The following CMC2 variants were observed in gnomAD, a reference collection of about 807,000 sequenced individuals.
CMC2 encodes COX assembly mitochondrial protein 2 homolog.
Under a neutral mutation model 7.5 loss-of-function variants are expected in CMC2, and 5 were observed. The observed-to-expected ratio is 0.66, with a 90% CI of 0.35 to 1.40. CMC2 has a LOEUF of 1.40. Among genes scored for constraint, CMC2 ranks in the 40% most tolerant of loss-of-function variants. The probability of loss-of-function intolerance (pLI) is 0.04; values close to 1 mark genes in which losing one functional copy is unlikely to be tolerated. For synonymous variants in CMC2, 37 were observed against 31.4 expected (o/e 1.18, Z -0.60); for missense variants, 115 against 92.3 (o/e 1.25, Z -1.01).
At chr16:80,993,699 A>G (rs1968190423) in intron 2 of CMC2, among the ~76,000 whole-genome samples, 2 of 21,940 alleles carry the variant, frequency 9.1e-5, no homozygotes, top group Admixed American at 1.1e-3. Context: ...AGCTAACTCT[A>G]GAGTAAAGAC....
At chr16:81,005,534 C>T (rs1038685801) in intron 1 of CMC2, among the ~76,000 whole-genome samples, 4 of 152,050 alleles carry the variant, frequency 2.6e-5, no homozygotes, top group Non-Finnish European at 5.9e-5. Flanking sequence ...CATACTGCAG[C>T]AGAGGTCGCA....
chr16:80,979,611 T>C (rs1204548852), intron 3 of CMC2, among the ~76,000 whole-genome samples: 1 of 151,472 alleles, frequency 6.6e-6, no homozygotes, highest in Non-Finnish European at 1.5e-5. Flanking sequence ...ATTTATTTTT[T>C]ATTTTATTTT....
In CMC2 at chr16:80,975,744, G is replaced by C. The variant is rs1328873698; in HGVS notation, c.*349C>G. 1 of 165,450 alleles carries C rather than the reference G, an allele frequency of 6.0e-6. No individual in the cohort carries two copies. Among genetic ancestry groups the C allele is most frequent in the Non-Finnish European group, 1.3e-5 (1 of 76,926 alleles). 10.2% of individuals were successfully genotyped at this position (165,450 alleles called of 1,614,324 possible). On this transcript the variant is annotated 3_prime_UTR_variant, in exon 4 of 4. Coordinates refer to ENST00000219400, the MANE Select transcript of CMC2 (RefSeq NM_020188.5). ...AACATCATGTTGTCAAAAAGAAAAA[G>C]CCTAATGGCAACATTTTCCTCTAAT...
chr16:80,989,967 G>A (rs2549841), intron 2 of CMC2, among the ~76,000 whole-genome samples: 99,132 of 152,038 alleles, frequency 0.65, 34,070 homozygotes, highest in South Asian at 0.8. Context: ...TTTAGCCTAC[G>A]TTCAAATTAC....
chr16:80,987,500 T>A (rs1157536678), intron 2 of CMC2, among the ~76,000 whole-genome samples: 1 of 152,204 alleles, frequency 6.6e-6, no homozygotes, highest in Non-Finnish European at 1.5e-5. Context: ...CCAAGTAGCT[T>A]TGACGAAATA....
At chr16:80,979,816 T>A (rs1014213953) in intron 3 of CMC2, among the ~76,000 whole-genome samples, 26 of 150,948 alleles carry the variant, frequency 1.7e-4, no homozygotes, top group Non-Finnish European at 7.4e-5. Flanking sequence ...AGAGCTGGGT[T>A]TCACCATGTT....
rs925354813 is a variant in CMC2 at position 80,971,621 on chromosome 16, C to A, written c.*4472G>T. 11 of 131,442 alleles carry A rather than the reference C, an allele frequency of 8.4e-5. No individual in the cohort carries two copies. Among genetic ancestry groups the A allele is most frequent in the Admixed American group, 1.5e-4 (2 of 13,494 alleles). 8.1% of individuals were successfully genotyped at this position (131,442 alleles called of 1,614,324 possible). A position where few individuals can be genotyped will look rare whatever the true frequency, so the allele number is the denominator to read the frequency against. ...ATGCATATATATATATGTATGAAAT[C>A]ATGCATGAGAATGAAATATATCAAA... is the stretch of plus-strand genomic sequence containing the variant. On this transcript the variant is annotated 3_prime_UTR_variant, in exon 4 of 4. Coordinates refer to ENST00000219400, the MANE Select transcript of CMC2 (RefSeq NM_020188.5).
chr16:80,999,636 C>G (rs890043380), intron 1 of CMC2, among the ~76,000 whole-genome samples: 9 of 152,070 alleles, frequency 5.9e-5, no homozygotes, highest in Admixed American at 1.3e-4. Context: ...GAACAAAAAC[C>G]AAACGTATCA....
intron 2 of CMC2, among the ~76,000 whole-genome samples, chr16:80,984,976 T>C (rs1967410252): frequency 1.3e-5 from 2 of 152,202 alleles, no homozygotes; most frequent in Admixed American, 1.3e-4. Flanking sequence ...CTGGTGTCAA[T>C]TTCTTGAGAA....
In CMC2 at chr16:80,976,138, T is replaced by G. The variant is rs13609; in HGVS notation, c.195A>C (p.Ala65=). The part of the protein sequence containing the change: ...NRTKSREHGI[A]MRKKLFNPPE... Reference sequence around the variant, plus strand: ...GAGGATTAAAAAGTTTCTTTCGCATTGCAATGCCATGCTCCCTGCTCTTGG... The same window carrying G: ...GAGGATTAAAAAGTTTCTTTCGCATGGCAATGCCATGCTCCCTGCTCTTGG... The change falls in exon 4 of 4, where the codon GCA becomes GCC. Residue 65 remains alanine, a synonymous_variant. Transcript: ENST00000219400. 2.4e-4 allele frequency: 389 copies of G among 1,609,870 alleles called. 1 individual carries two copies. In the African/African-American group the frequency reaches 4.6e-3, roughly 19 times the overall value.
chr16:81,004,197 T>C (rs1969068961), intron 1 of CMC2, among the ~76,000 whole-genome samples: 1 of 151,170 alleles, frequency 6.6e-6, no homozygotes, highest in African/African-American at 2.4e-5. Context: ...CACTCTAGCC[T>C]GGTCGAAAGA....
chr16:80,996,182 T>G (rs1043743289), intron 2 of CMC2, among the ~76,000 whole-genome samples: 6 of 152,240 alleles, frequency 3.9e-5, no homozygotes, highest in African/African-American at 1.2e-4. Context: ...TCCTTATTTA[T>G]GTCTAGTATT....
intron 2 of CMC2, chr16:80,983,180 A>C (rs1222308682): frequency 6.6e-6 from 1 of 152,262 alleles, no homozygotes; most frequent in Non-Finnish European, 1.5e-5. Flanking sequence ...TGTGTTAATC[A>C]CCTATTTATG....
At chr16:81,001,316 C>T (rs1968847782) in intron 1 of CMC2, 1 of 152,176 alleles carries the variant, frequency 6.6e-6, no homozygotes, top group Non-Finnish European at 1.5e-5. Context: ...GAAACCTGCA[C>T]ATTACTTATA....
At chr16:81,003,203 G>A (rs1968995758) in intron 1 of CMC2, among the ~76,000 whole-genome samples, 1 of 152,158 alleles carries the variant, frequency 6.6e-6, no homozygotes, top group African/African-American at 2.4e-5. Context: ...GTAATTAAGT[G>A]CTGATGTCTT....
intron 1 of CMC2, among the ~76,000 whole-genome samples, chr16:81,003,350 G>T (rs1044572877): frequency 1.3e-5 from 2 of 152,158 alleles, no homozygotes; most frequent in African/African-American, 4.8e-5. Flanking sequence ...AGATATCAAC[G>T]TTATTAGTTT....
At chr16:80,982,386 G>C (rs1954150538) in intron 2 of CMC2, 1 of 152,410 alleles carries the variant, frequency 6.6e-6, no homozygotes, top group Admixed American at 6.6e-5. Context: ...GTGGGCGCCT[G>C]TAATCTCAGC....
rs1967044425 is a variant in CMC2, at chr16:80,980,701, C to G, written c.153+1105G>C. 1.0e-5 allele frequency: 6 copies of G among 591,752 alleles called. No homozygotes were observed. The East Asian group carries it at 1.8e-4, about 18-fold the overall frequency. The allele number at this position is 591,752 out of a possible 1,614,324, so 36.7% of individuals were successfully genotyped here. On this transcript the variant is annotated intron_variant, in intron 3 of 3. Coordinates refer to ENST00000219400, the MANE Select transcript of CMC2 (RefSeq NM_020188.5). ...GGTTAGCAGTTTGAGACCAGCCTGG[C>G]CAAAACAGTGAGACTCTCATCTCTA...
chr16:81,000,589 T>C (rs142246931), intron 1 of CMC2, among the ~76,000 whole-genome samples: 1 of 151,998 alleles, frequency 6.6e-6, no homozygotes, highest in African/African-American at 2.4e-5. Context: ...CCAAAAAACA[T>C]GAAAAAATGC....
Sources: gnomAD v4.1 joint callset for allele counts (sites outside exome capture counted in the v4.1 genomes callset) on GRCh38, gnomAD v4.1.1 for gene constraint, MANE v1.5 for transcripts, NCBI Gene and HGNC (gene_info 2026-07-23, HGNC 2026-07-21) for gene names.